Variants in CBFA2T3 observed in about 807,000 individuals in gnomAD.
CBFA2T3 encodes the protein CBFA2/RUNX1 partner transcriptional co-repressor 3, also known as transcriptional corepressor CBFA2T3.
A neutral mutation model predicts 58.6 loss-of-function variants in CBFA2T3; 31 were observed. The observed-to-expected ratio is 0.53, with a 90% CI of 0.40 to 0.71. The LOEUF is 0.71. Among genes scored for constraint, CBFA2T3 ranks in the 30% least tolerant of loss-of-function variants. CBFA2T3 has a pLI of 0.00. For missense variants in CBFA2T3, 1,076 were observed against 963.1 expected, an observed-to-expected ratio of 1.12 and a Z score of -1.55; for synonymous variants, 531 against 421.9, an observed-to-expected ratio of 1.26 and a Z score of -3.17.
At chr16:88,913,257 G>C (rs978847539) in intron 1 of CBFA2T3, among the ~76,000 whole-genome samples, 2 of 152,268 alleles carry the variant, frequency 1.3e-5, no homozygotes, top group Non-Finnish European at 2.9e-5. Context: ...CGCAGGACAG[G>C]GTTGGCCCGG....
intron 1 of CBFA2T3, among the ~76,000 whole-genome samples, chr16:88,912,900 G>A (rs1036301019): frequency 3.3e-5 from 5 of 152,228 alleles, no homozygotes; most frequent in Non-Finnish European, 7.3e-5. Context: ...CCGGGGGTGC[G>A]TCTGAGGAAT....
rs1452080370 is a variant in CBFA2T3, at chr16:88,953,908, T to G, written c.151+22749A>C. The stretch of plus-strand genomic sequence containing the variant: ...GGGCTGGTGAGGACAGGGACAGAGA[T>G]GCCCACAGAGCAGGTGGGCTGTGCT... On this transcript the variant is annotated intron_variant, in intron 1 of 11. Coordinates refer to ENST00000268679, the MANE Select transcript of CBFA2T3 (RefSeq NM_005187.6). The surrounding 1 kb of genome is among the most constrained non-coding windows in gnomAD (Gnocchi z 4.9). 6.6e-6 allele frequency among the ~76,000 whole-genome samples: 1 copy of G among 152,068 alleles called. No homozygotes were observed. The highest frequency in any genetic ancestry group is 1.5e-5 in the Non-Finnish European group (1 of 67,998).
intron 9 of CBFA2T3, 137 bp from the exon 10 acceptor site, chr16:88,880,925 G>A (rs773954939): frequency 1.2e-6 from 1 of 818,480 alleles, no homozygotes; most frequent in Non-Finnish European, 2.0e-6. Flanking sequence ...GGTGCCCTCG[G>A]ACAAGGTCTG....
intron 1 of CBFA2T3, among the ~76,000 whole-genome samples, chr16:88,975,922 C>T (rs1972847856): frequency 6.6e-6 from 1 of 152,366 alleles, no homozygotes; most frequent in South Asian, 2.1e-4. Context: ...AGACTGTGAG[C>T]TCCTGAAGGT....
chr16:88,900,200 C>T (rs902786025), intron 2 of CBFA2T3, among the ~76,000 whole-genome samples: 1 of 152,246 alleles, frequency 6.6e-6, no homozygotes, highest in African/African-American at 2.4e-5. Context: ...CTGTTTGGCT[C>T]CTACTGAGTG....
chr16:88,947,352 C>A (rs558187058), intron 1 of CBFA2T3, among the ~76,000 whole-genome samples: 2 of 152,390 alleles, frequency 1.3e-5, no homozygotes, highest in South Asian at 4.1e-4. Context: ...ACAGACTCTT[C>A]TGCAGCGCCT....
chr16:88,874,880 G>C lies in CBFA2T3; in HGVS notation c.*2096C>G, dbSNP rs181523578. 2.6e-5 allele frequency: 6 copies of C among 230,872 alleles called. No individual in the cohort carries two copies. The East Asian group carries it at 3.7e-4, about 14-fold the overall frequency. The allele number at this position is 230,872 out of a possible 1,614,324, so 14.3% of individuals were successfully genotyped here. On this transcript the variant is annotated 3_prime_UTR_variant, in exon 12 of 12. Transcript: ENST00000268679. ...TCCTGCGGTTTCTGTTTTTTATTTG[G>C]CAAACATCTCGTTTATTACCATCAT...
In CBFA2T3 at chr16:88,879,356, TG is replaced by T; in HGVS notation, c.1575del (p.Lys526ArgfsTer18). 1 of 1,613,030 alleles carries T rather than the reference TG, an allele frequency of 6.2e-7. No homozygotes were observed. Among genetic ancestry groups the T allele is most frequent in the Non-Finnish European group, 8.5e-7 (1 of 1,179,798 alleles). ...GCCTCGGCCAGGGCCCGCTCCATCT[TG>T]GCACGCTCCGTGGTGATGAGCTCGT... Reference protein sequence around the residue: ...KAHELITTERAKMERALAEAK... With the variant: ...KAHELITTERXKMERALAEAK... On this transcript the variant is annotated frameshift_variant, in exon 11 of 12. Transcript: ENST00000268679. LOFTEE classifies it high-confidence loss of function.
intron 8 of CBFA2T3, among the ~76,000 whole-genome samples, chr16:88,882,295 G>C (rs953536155): frequency 6.6e-6 from 1 of 152,244 alleles, no homozygotes; most frequent in Non-Finnish European, 1.5e-5. Context: ...TACAGGTGTG[G>C]CTGTGTGGGG....
chr16:88,976,045 G>A (rs566788340), intron 1 of CBFA2T3, among the ~76,000 whole-genome samples: 16 of 152,338 alleles, frequency 1.1e-4, no homozygotes, highest in Admixed American at 9.8e-4. Context: ...CGCAGGCTCG[G>A]GTGGGGGGTA....
chr16:88,930,601 C>T (rs1173957165), intron 1 of CBFA2T3, among the ~76,000 whole-genome samples: 1 of 150,880 alleles, frequency 6.6e-6, no homozygotes, highest in African/African-American at 2.5e-5. Context: ...CACGTGGCCC[C>T]GTCACCTTCA....
chr16:88,970,433 G>A (rs1972621565), intron 1 of CBFA2T3, among the ~76,000 whole-genome samples: 1 of 152,204 alleles, frequency 6.6e-6, no homozygotes, highest in Non-Finnish European at 1.5e-5. Context: ...CCTCTGGGAG[G>A]GTCCCTGGCA....
intron 1 of CBFA2T3, among the ~76,000 whole-genome samples, chr16:88,920,922 C>T (rs769332632): frequency 5.3e-5 from 8 of 152,270 alleles, no homozygotes; most frequent in Admixed American, 2.0e-4. Flanking sequence ...ACTGGGGAGG[C>T]ATCTTGGAGA....
intron 11 of CBFA2T3, among the ~76,000 whole-genome samples, chr16:88,877,692 C>T (rs927464608): frequency 3.3e-5 from 5 of 152,100 alleles, no homozygotes; most frequent in African/African-American, 1.2e-4. Context: ...CCACCCCTGC[C>T]TCTGCTGCAC....
At chr16:88,920,505 G>C (rs1003570024) in intron 1 of CBFA2T3, among the ~76,000 whole-genome samples, 1 of 149,968 alleles carries the variant, frequency 6.7e-6, no homozygotes, top group Non-Finnish European at 1.5e-5. Flanking sequence ...GGCTGGTCTC[G>C]AACTCCTGAC....
chr16:88,883,148 C>T (rs565661641), intron 7 of CBFA2T3: 18 of 306,332 alleles, frequency 5.9e-5, no homozygotes, highest in Admixed American at 2.3e-4. Context: ...AGCCACTGGC[C>T]GGGAAGGCTT....
intron 1 of CBFA2T3, among the ~76,000 whole-genome samples, chr16:88,917,563 G>A (rs769876103): frequency 6.6e-5 from 10 of 152,286 alleles, no homozygotes; most frequent in Middle Eastern, 3.4e-3. Context: ...CCAAAGTGTC[G>A]TCGCTGTTTA....
chr16:88,881,715 C>T (rs1969090585), intron 8 of CBFA2T3: 4 of 509,848 alleles, frequency 7.8e-6, no homozygotes, highest in South Asian at 6.5e-5. Context: ...GGACACGTGC[C>T]TAGACGCACG....
At chr16:88,927,078 T>C (rs1034566620) in intron 1 of CBFA2T3, among the ~76,000 whole-genome samples, 14 of 152,304 alleles carry the variant, frequency 9.2e-5, no homozygotes, top group East Asian at 5.8e-4. Context: ...CGGCCCTTGG[T>C]GGGGCAACAT....
Sources: gnomAD v4.1 joint callset for allele counts (sites outside exome capture counted in the v4.1 genomes callset) on GRCh38, gnomAD v4.1.1 for gene constraint, Gnocchi (gnomAD v3.1) non-coding constraint, MANE v1.5 for transcripts, NCBI Gene and HGNC (gene_info 2026-07-23, HGNC 2026-07-21) for gene names.